PILRA: variants seen among roughly 807,000 people sequenced by gnomAD.
The protein encoded by PILRA is paired immunoglobin like type 2 receptor alpha.
Under a neutral mutation model 33.1 loss-of-function variants are expected in PILRA, and 37 were observed. The ratio of observed to expected loss-of-function variants is 1.12; its 90% CI spans 0.86 to 1.47. The LOEUF is 1.47. Among genes scored for constraint, PILRA ranks in the 40% most tolerant of loss-of-function variants. PILRA has a pLI of 0.00. For missense variants in PILRA, 312 were observed against 376.2 expected (o/e 0.83, Z 1.41); for synonymous variants, 146 against 149.9 (o/e 0.97, Z 0.19).
chr7:100,375,727 G>A (rs555665124), intron 2 of PILRA, among the ~76,000 whole-genome samples: 11 of 138,550 alleles, frequency 7.9e-5, no homozygotes, highest in Admixed American at 2.1e-4. Context: ...GTGAGACTCC[G>A]CCTCAAACAA....
chr7:100,385,594 C>G (rs1213729273), intron 2 of PILRA, among the ~76,000 whole-genome samples: 1 of 152,110 alleles, frequency 6.6e-6, no homozygotes, highest in Admixed American at 6.6e-5. Context: ...CTCTTTCATT[C>G]CAGTATATAT....
At chr7:100,379,815 A>G (rs990256316) in intron 2 of PILRA, among the ~76,000 whole-genome samples, 2 of 152,198 alleles carry the variant, frequency 1.3e-5, no homozygotes, top group African/African-American at 4.8e-5. Flanking sequence ...AACAAGAAAT[A>G]TATGAACTGG....
chr7:100,387,282 T>C (rs564011393), intron 2 of PILRA, among the ~76,000 whole-genome samples: 1 of 152,344 alleles, frequency 6.6e-6, no homozygotes, highest in Admixed American at 6.5e-5. Context: ...AGCATGATCT[T>C]GGCTCACTGC....
intron 4 of PILRA, 118 bp downstream of exon 4, chr7:100,398,030 G>GCAA (rs1188228056): frequency 2.1e-6 from 2 of 975,090 alleles, no homozygotes; most frequent in African/African-American, 3.2e-5. Context: ...CACGGCCATT[G>GCAA]TTGCATCCCC....
At chr7:100,376,761 CTTTTTTTTT>C (rs34944697) in intron 2 of PILRA, among the ~76,000 whole-genome samples, 2 of 75,040 alleles carry the variant, frequency 2.7e-5, no homozygotes, top group East Asian at 3.4e-4. Flanking sequence ...CTTGCTCTGC[CTTTTTTTTT>C]TTTTTTTTTT....
At position 100,398,046 on chromosome 7, in the gene PILRA, AC is replaced by A. The variant is rs932840790; in HGVS notation, c.707+137del. On this transcript the variant is annotated intron_variant, in intron 4 of 6. Transcript: ENST00000198536. ...ACGGCCATTGTTGCATCCCCAACTT[AC>A]CCATCCTTGTTCTCCTTTGTCCTCT... 44 of 833,348 alleles carry A rather than the reference AC, an allele frequency of 5.3e-5. 1 individual carries two copies. The highest frequency in any genetic ancestry group is 2.7e-4 in the South Asian group (17 of 63,816). 51.6% of individuals were successfully genotyped at this position (833,348 alleles called of 1,614,324 possible). A position where few individuals can be genotyped will look rare whatever the true frequency, so the allele number is the denominator to read the frequency against.
At chr7:100,386,052 C>T (rs1282376822) in intron 2 of PILRA, among the ~76,000 whole-genome samples, 1 of 152,032 alleles carries the variant, frequency 6.6e-6, no homozygotes, top group East Asian at 1.9e-4. Flanking sequence ...GCCTCAGCCT[C>T]CCCAGTAGCT....
At chr7:100,399,157 T>C in intron 4 of PILRA, 134 bp from the exon 5 acceptor site, 1 of 618,100 alleles carries the variant, frequency 1.6e-6, no homozygotes, top group Non-Finnish European at 3.0e-6. Context: ...CAGGCTGGTC[T>C]TGTACTCCTG....
chr7:100,373,811 C>G, intron 1 of PILRA, 91 bp downstream of exon 1: 1 of 1,526,574 alleles, frequency 6.6e-7, no homozygotes, highest in Admixed American at 1.7e-5. Flanking sequence ...GGGGAGGGCC[C>G]AGGCTCCCAC....
At chr7:100,390,631 T>G (rs1454901634) in intron 3 of PILRA, among the ~76,000 whole-genome samples, 1 of 152,100 alleles carries the variant, frequency 6.6e-6, no homozygotes, top group Non-Finnish European at 1.5e-5. Flanking sequence ...TAGCACTTAA[T>G]AAGGGTGGGA....
chr7:100,392,758 G>A (rs1467684792), intron 3 of PILRA, among the ~76,000 whole-genome samples: 1 of 152,168 alleles, frequency 6.6e-6, no homozygotes, highest in South Asian at 2.1e-4. Context: ...AATCAATGAG[G>A]AAAGATGAGT....
At chr7:100,382,688 C>T (rs758075596) in intron 2 of PILRA, among the ~76,000 whole-genome samples, 40 of 152,334 alleles carry the variant, frequency 2.6e-4, no homozygotes, top group Non-Finnish European at 4.7e-4. Context: ...CTCTGGTTCT[C>T]TTCTACGGTG....
At chr7:100,376,135 G>A (rs1159096053) in intron 2 of PILRA, 1 of 152,146 alleles carries the variant, frequency 6.6e-6, no homozygotes. Context: ...CTGCAGGGAC[G>A]GACACTCTCG....
intron 2 of PILRA, among the ~76,000 whole-genome samples, chr7:100,382,001 A>ACCCCC (rs1181591005): frequency 4.1e-5 from 4 of 97,718 alleles, no homozygotes; most frequent in Admixed American, 9.9e-5. Context: ...CTCAGTCCCC[A>ACCCCC]CCCCCACCCC....
At chr7:100,387,657 G>T (rs953870862) in intron 2 of PILRA, among the ~76,000 whole-genome samples, 5 of 152,144 alleles carry the variant, frequency 3.3e-5, no homozygotes, top group East Asian at 1.9e-4. Flanking sequence ...AGTGAGGTAC[G>T]ATTGCGCACC....
In PILRA at chr7:100,377,231, C is replaced by CT. The variant is rs761225046; in HGVS notation, c.454+2825dup. Among the ~76,000 whole-genome samples, 997 of 100,900 alleles carry CT rather than the reference C, an allele frequency of 9.9e-3. 162 individuals are homozygous for CT. Among genetic ancestry groups the CT allele is most frequent in the Non-Finnish European group, 0.013 (679 of 50,852 alleles). The allele number at this position is 100,900 out of a possible 152,430, so 66.2% of individuals were successfully genotyped here. ...GTTCTTCTTTGTCACTTTTCTATTTCTTTTTTTTTTTTTTTTTTTTTTTTT... is the reference window on the plus strand; with the variant it reads ...GTTCTTCTTTGTCACTTTTCTATTTCTTTTTTTTTTTTTTTTTTTTTTTTTT... On this transcript the variant is annotated intron_variant, in intron 2 of 6. Transcript: ENST00000198536.
chr7:100,393,865 G>C (rs1393117302), intron 3 of PILRA, among the ~76,000 whole-genome samples: 2 of 152,034 alleles, frequency 1.3e-5, no homozygotes, highest in Non-Finnish European at 2.9e-5. Flanking sequence ...CCCTTTTAAA[G>C]AGTCTTTCTG....
intron 2 of PILRA, among the ~76,000 whole-genome samples, chr7:100,382,657 C>T (rs1791137025): frequency 1.3e-5 from 2 of 152,198 alleles, no homozygotes; most frequent in Admixed American, 1.3e-4. Flanking sequence ...GCAGGCTGCC[C>T]CCCTGAGCAG....
At chr7:100,376,655 T>C (rs940193927) in intron 2 of PILRA, among the ~76,000 whole-genome samples, 1 of 151,508 alleles carries the variant, frequency 6.6e-6, no homozygotes, top group Non-Finnish European at 1.5e-5. Flanking sequence ...TAACACAGGG[T>C]TTCACCATGT....
Sources: allele counts gnomAD v4.1 joint callset (sites outside exome capture counted in the v4.1 genomes callset), GRCh38; gene constraint gnomAD v4.1.1; transcripts MANE v1.5; gene names NCBI Gene and HGNC (gene_info 2026-07-23, HGNC 2026-07-21).